Variants in YWHAQ observed in about 807,000 individuals in gnomAD.
YWHAQ encodes 14-3-3 protein theta.
YWHAQ carries 6 observed loss-of-function variants against 28.3 expected under a neutral mutation model. That is an observed-to-expected ratio of 0.21 (90% CI 0.12 to 0.42). The LOEUF (loss-of-function observed/expected upper bound fraction) is 0.42. YWHAQ is among the 10% of genes least tolerant of loss of function. YWHAQ has a pLI of 1.00. For missense variants in YWHAQ, 201 were observed against 305.6 expected, an observed-to-expected ratio of 0.66 and a Z score of 2.55; for synonymous variants, 143 against 119.1, an observed-to-expected ratio of 1.20 and a Z score of -1.31.
chr2:9,590,089 G>C (rs569743714), intron 3 of YWHAQ, among the ~76,000 whole-genome samples: 11 of 152,326 alleles, frequency 7.2e-5, no homozygotes, highest in African/African-American at 2.6e-4. Flanking sequence ...AGGCTATAAA[G>C]ACAGCCTATC....
intron 3 of YWHAQ, among the ~76,000 whole-genome samples, chr2:9,590,849 G>C (rs899245278): frequency 6.6e-6 from 1 of 152,084 alleles, no homozygotes; most frequent in Non-Finnish European, 1.5e-5. Flanking sequence ...TGTGAAGTTG[G>C]AGCAAGTTAT....
chr2:9,617,706 T>C (rs1439358230), intron 2 of YWHAQ, among the ~76,000 whole-genome samples: 3 of 152,084 alleles, frequency 2.0e-5, no homozygotes, highest in African/African-American at 4.8e-5. Flanking sequence ...TGGGAGGCCA[T>C]GCAGGAGGAT....
chr2:9,584,824 C>T lies in YWHAQ; in HGVS notation c.*462G>A, dbSNP rs1443544848. 1 of 162,610 alleles carries T rather than the reference C, an allele frequency of 6.1e-6. No homozygotes were observed. The highest frequency in any genetic ancestry group is 2.4e-5 in the African/African-American group (1 of 41,456). 10.1% of individuals were successfully genotyped at this position (162,610 alleles called of 1,614,324 possible). ...TCCGGATTCCTACTAAAAAGGAATA[C>T]ATTAAGAGCATGGAAAAGTTGCTTA... On this transcript the variant is annotated 3_prime_UTR_variant, in exon 6 of 6. Coordinates refer to ENST00000238081, the MANE Select transcript of YWHAQ (RefSeq NM_006826.4).
At chr2:9,598,720 T>G (rs1572991679) in intron 2 of YWHAQ, among the ~76,000 whole-genome samples, 1 of 152,226 alleles carries the variant, frequency 6.6e-6, no homozygotes, top group East Asian at 1.9e-4. Flanking sequence ...ATATATGCTG[T>G]GTCTGTTCTG....
rs1553372602 is a variant in YWHAQ at position 9,593,923 on chromosome 2, T to TACACACACAC, written c.295-2418_295-2409dup. Among the ~76,000 whole-genome samples the TACACACACAC allele has an allele frequency of 6.8e-3, 920 of 135,120 alleles. 5 individuals are homozygous for TACACACACAC. Among genetic ancestry groups the TACACACACAC allele is most frequent in the South Asian group, 0.024 (103 of 4,342 alleles). 88.6% of individuals were successfully genotyped at this position (135,120 alleles called of 152,430 possible). Reference sequence around the variant, plus strand: ...TAAAAAAAATATATATATATATATATACACACACACACACACACACTTTTT... The same window carrying TACACACACAC: ...TAAAAAAAATATATATATATATATATACACACACACACACACACACACACACACACTTTTT... On this transcript the variant is annotated intron_variant, in intron 2 of 5. Coordinates refer to ENST00000238081, the MANE Select transcript of YWHAQ (RefSeq NM_006826.4).
At chr2:9,619,186 T>C (rs1667092611) in intron 2 of YWHAQ, among the ~76,000 whole-genome samples, 1 of 152,196 alleles carries the variant, frequency 6.6e-6, no homozygotes, top group South Asian at 2.1e-4. Context: ...CCATTTTGAT[T>C]ACAAGCAGAA....
intron 2 of YWHAQ, among the ~76,000 whole-genome samples, chr2:9,611,586 C>A (rs961634845): frequency 5.3e-5 from 8 of 152,224 alleles, no homozygotes; most frequent in Non-Finnish European, 1.2e-4. Context: ...AACACATACA[C>A]ACTCCTAACT....
At chr2:9,590,824 GTCAT>G (rs1174688124) in intron 3 of YWHAQ, among the ~76,000 whole-genome samples, 1 of 152,056 alleles carries the variant, frequency 6.6e-6, no homozygotes, top group Non-Finnish European at 1.5e-5. Flanking sequence ...CTAACCATGA[GTCAT>G]TCAAACTTAC....
rs1475802146 is a variant in YWHAQ at position 9,630,693 on chromosome 2, C to T, written c.-82-159G>A. The T allele has an allele frequency of 1.1e-5, 3 of 270,960 alleles. No individual in the cohort carries two copies. Among genetic ancestry groups the T allele is most frequent in the Admixed American group, 5.5e-5 (1 of 18,240 alleles). 16.8% of individuals were successfully genotyped at this position (270,960 alleles called of 1,614,324 possible). A position where few individuals can be genotyped will look rare whatever the true frequency, so the allele number is the denominator to read the frequency against. ...CGCTGGGCACCCGGGGAGGCCGCGGCCCGCGGCTGGAGGAGGCGGGGGCGG... is the reference window on the plus strand; with the variant it reads ...CGCTGGGCACCCGGGGAGGCCGCGGTCCGCGGCTGGAGGAGGCGGGGGCGG... On this transcript the variant is annotated intron_variant, in intron 1 of 5. Transcript: ENST00000238081. This position sits in a 1 kb window ranked among gnomAD's most constrained non-coding sequence, Gnocchi z 5.6.
intron 2 of YWHAQ, among the ~76,000 whole-genome samples, chr2:9,618,204 C>T (rs771877296): frequency 7.2e-5 from 11 of 151,994 alleles, no homozygotes; most frequent in Non-Finnish European, 1.5e-4. Flanking sequence ...TGTGAATAAA[C>T]TAAAAACCAC....
At chr2:9,627,969 T>A (rs1667282559) in intron 2 of YWHAQ, among the ~76,000 whole-genome samples, 1 of 152,246 alleles carries the variant, frequency 6.6e-6, no homozygotes, top group Non-Finnish European at 1.5e-5. Flanking sequence ...CATAGCATTG[T>A]GTTCATTAAC....
chr2:9,612,218 A>C (rs967274379), intron 2 of YWHAQ, among the ~76,000 whole-genome samples: 3 of 152,162 alleles, frequency 2.0e-5, no homozygotes, highest in Admixed American at 1.3e-4. Flanking sequence ...CTGCTCCAAT[A>C]ATCTAACTGA....
chr2:9,590,324 T>C (rs1042944238), intron 3 of YWHAQ, among the ~76,000 whole-genome samples: 5 of 152,152 alleles, frequency 3.3e-5, no homozygotes, highest in African/African-American at 1.2e-4. Context: ...ACAGAATAAG[T>C]AAGTTTAGTA....
chr2:9,598,015 G>GTTTTTTTTTTTTTT (rs1666613488), intron 2 of YWHAQ, among the ~76,000 whole-genome samples: 1 of 47,592 alleles, frequency 2.1e-5, no homozygotes, highest in African/African-American at 1.3e-4. Flanking sequence ...TTTTTTTTTA[G>GTTTTTTTTTTTTTT]TAGAGACAAG....
chr2:9,601,903 C>T (rs576146485), intron 2 of YWHAQ, among the ~76,000 whole-genome samples: 7 of 152,270 alleles, frequency 4.6e-5, no homozygotes, highest in African/African-American at 1.7e-4. Flanking sequence ...CTGCCTCGGC[C>T]TCCCAAAGTG....
At chr2:9,597,879 G>A (rs111243659) in intron 2 of YWHAQ, among the ~76,000 whole-genome samples, 6,457 of 151,128 alleles carry the variant, frequency 0.043, 383 homozygotes, top group African/African-American at 0.13. Flanking sequence ...GAGTGCAATG[G>A]CATGATCTCG....
chr2:9,607,910 G>A (rs1037723040), intron 2 of YWHAQ, among the ~76,000 whole-genome samples: 8 of 151,468 alleles, frequency 5.3e-5, no homozygotes, highest in South Asian at 2.1e-4. Context: ...CGGGGTTTTC[G>A]CCATGTCAGC....
intron 2 of YWHAQ, among the ~76,000 whole-genome samples, chr2:9,603,949 A>G (rs1666767048): frequency 6.6e-6 from 1 of 152,036 alleles, no homozygotes; most frequent in African/African-American, 2.4e-5. Flanking sequence ...CCATAAACTA[A>G]AACTTTGTCT....
intron 2 of YWHAQ, among the ~76,000 whole-genome samples, chr2:9,607,077 T>C (rs1666845718): frequency 6.6e-6 from 1 of 152,090 alleles, no homozygotes; most frequent in East Asian, 1.9e-4. Context: ...AGAGATGGGG[T>C]TTCACCATGT....
Sources: gnomAD v4.1 joint callset for allele counts (sites outside exome capture counted in the v4.1 genomes callset) on GRCh38, gnomAD v4.1.1 for gene constraint, Gnocchi (gnomAD v3.1) non-coding constraint, MANE v1.5 for transcripts, NCBI Gene and HGNC (gene_info 2026-07-23, HGNC 2026-07-21) for gene names.